Variants in TCERG1L observed in about 807,000 individuals in gnomAD.
TCERG1L encodes the protein transcription elongation regulator 1-like protein.
TCERG1L carries 37 observed loss-of-function variants against 56.3 expected under a neutral mutation model. The ratio of observed to expected loss-of-function variants is 0.66; its 90% confidence interval spans 0.51 to 0.87. The LOEUF (loss-of-function observed/expected upper bound fraction) is 0.87. Among genes scored for constraint, TCERG1L ranks in the 40% least tolerant of loss-of-function variants. The pLI is 0.00. For synonymous variants in TCERG1L, 324 were observed against 326.3 expected (o/e 0.99, Z 0.08); for missense variants, 799 against 774.2 (o/e 1.03, Z -0.38).
rs1328700381 is a variant in TCERG1L at position 131,103,489 on chromosome 10, A to C, written c.1485+776T>G. Reference sequence around the variant, plus strand: ...AAGGATTGCTTGAGCCTAGGAGTTCAAGATGAGCCTGGGGAATATACAGCA... The same window carrying C: ...AAGGATTGCTTGAGCCTAGGAGTTCCAGATGAGCCTGGGGAATATACAGCA... On this transcript the variant is annotated intron_variant, in intron 10 of 11. Transcript: ENST00000368642. This position sits in a 1 kb window ranked among gnomAD's most constrained non-coding sequence, Gnocchi z 4.3. 6.6e-6 allele frequency among the ~76,000 whole-genome samples: 1 copy of C among 152,136 alleles called. No individual in the cohort carries two copies. The highest frequency in any genetic ancestry group is 1.5e-5 in the Non-Finnish European group (1 of 68,042).
At chr10:131,199,392 C>A (rs983637189) in intron 4 of TCERG1L, among the ~76,000 whole-genome samples, 1 of 152,140 alleles carries the variant, frequency 6.6e-6, no homozygotes. Context: ...GCATCCTGAA[C>A]CCCTTGCTGC....
intron 3 of TCERG1L, among the ~76,000 whole-genome samples, chr10:131,288,064 A>G (rs1846565186): frequency 6.6e-6 from 1 of 152,164 alleles, no homozygotes; most frequent in African/African-American, 2.4e-5. Flanking sequence ...GTGCTTCTCC[A>G]TAGCTTTCTC....
At chr10:131,210,640 G>A (rs1462645022) in intron 4 of TCERG1L, among the ~76,000 whole-genome samples, 16 of 152,062 alleles carry the variant, frequency 1.1e-4, no homozygotes, top group Non-Finnish European at 2.4e-4. Context: ...TGCATGTCTT[G>A]AGCTGTCCCG....
In TCERG1L at chr10:131,111,188, C is replaced by G. The variant is rs889829865; in HGVS notation, c.1395+5611G>C. On this transcript the variant is annotated intron_variant, in intron 9 of 11. Coordinates refer to ENST00000368642, the MANE Select transcript of TCERG1L (RefSeq NM_174937.4). ...GGAGCCATGCCCGCTCCGACCCTGA[C>G]ACTGGGGCTGGGCTCAGCCGGGCAC... Among the ~76,000 whole-genome samples the G allele has an allele frequency of 6.3e-5, 9 of 143,240 alleles. 2 individuals are homozygous for G. The South Asian group carries it at 2.3e-3, about 37-fold the overall frequency. The allele number at this position is 143,240 out of a possible 152,430, so 94.0% of individuals were successfully genotyped here. A position where few individuals can be genotyped will look rare whatever the true frequency, so the allele number is the denominator to read the frequency against.
intron 4 of TCERG1L, among the ~76,000 whole-genome samples, chr10:131,203,127 T>C (rs889079591): frequency 2.0e-4 from 31 of 152,146 alleles, no homozygotes; most frequent in Admixed American, 2.6e-4. Flanking sequence ...TCAAAGCTTT[T>C]CAATGACAGC....
intron 3 of TCERG1L, among the ~76,000 whole-genome samples, chr10:131,276,969 A>G (rs1330251496): frequency 6.6e-6 from 1 of 152,224 alleles, no homozygotes; most frequent in African/African-American, 2.4e-5. Context: ...GCTCAGAAAA[A>G]CATTTCTCAT....
At chr10:131,264,937 T>C (rs1232101791) in intron 3 of TCERG1L, among the ~76,000 whole-genome samples, 4 of 128,662 alleles carry the variant, frequency 3.1e-5, no homozygotes, top group Non-Finnish European at 7.0e-5. Context: ...TAGACCTGTG[T>C]GCTGGTCAGT....
intron 6 of TCERG1L, among the ~76,000 whole-genome samples, chr10:131,147,066 A>C (rs933249847): frequency 2.6e-5 from 4 of 151,968 alleles, no homozygotes; most frequent in Non-Finnish European, 4.4e-5. Context: ...GCGGCTCCCT[A>C]CACTTCCCCA....
chr10:131,110,175 A>T (rs1430367554), intron 9 of TCERG1L, among the ~76,000 whole-genome samples: 1 of 152,188 alleles, frequency 6.6e-6, no homozygotes, highest in Non-Finnish European at 1.5e-5. Context: ...AGTGACAAGG[A>T]CGTGGTCTGG....
At chr10:131,124,938 AG>A (rs1845549573) in intron 8 of TCERG1L, among the ~76,000 whole-genome samples, 1 of 152,212 alleles carries the variant, frequency 6.6e-6, no homozygotes, top group African/African-American at 2.4e-5. Context: ...TTTGCTTGTA[AG>A]AATTAAATGA....
intron 4 of TCERG1L, among the ~76,000 whole-genome samples, chr10:131,213,023 C>G (rs12221196): frequency 0.065 from 9,929 of 152,288 alleles, 453 homozygotes; most frequent in East Asian, 0.17. Flanking sequence ...TGAAAATGAC[C>G]CTCTCTGCCC....
intron 2 of TCERG1L, 39 bp from the exon 3 acceptor site, chr10:131,308,430 G>A (rs780680320): frequency 1.8e-5 from 28 of 1,567,290 alleles, no homozygotes; most frequent in Non-Finnish European, 2.4e-5. Flanking sequence ...TGAAGGCAAG[G>A]TGCATGATAA....
At chr10:131,137,282 G>A (rs955113609) in intron 7 of TCERG1L, among the ~76,000 whole-genome samples, 2 of 152,172 alleles carry the variant, frequency 1.3e-5, no homozygotes, top group African/African-American at 4.8e-5. Flanking sequence ...CCGCTGGGGC[G>A]CTGGGTCCCG....
At chr10:131,154,449 T>C (rs1419225335) in intron 6 of TCERG1L, among the ~76,000 whole-genome samples, 1 of 152,080 alleles carries the variant, frequency 6.6e-6, no homozygotes, top group East Asian at 1.9e-4. Context: ...GTTCCAGGAG[T>C]GTCCTGGGGA....
At chr10:131,115,183 G>C (rs1289778815) in intron 9 of TCERG1L, among the ~76,000 whole-genome samples, 2 of 152,280 alleles carry the variant, frequency 1.3e-5, no homozygotes. Flanking sequence ...CTAGTCACTG[G>C]CTGGACACTT....
chr10:131,191,963 C>A (rs1167052574), intron 4 of TCERG1L, among the ~76,000 whole-genome samples: 1 of 140,370 alleles, frequency 7.1e-6, no homozygotes, highest in Non-Finnish European at 1.6e-5. Context: ...AGACATTGAC[C>A]TAGGCAAACA....
At chr10:131,221,677 T>C (rs1845733792) in intron 4 of TCERG1L, among the ~76,000 whole-genome samples, 1 of 152,226 alleles carries the variant, frequency 6.6e-6, no homozygotes, top group African/African-American at 2.4e-5. Context: ...GAACATTTTG[T>C]CACCGGTTTT....
At chr10:131,202,401 G>A (rs1044239156) in intron 4 of TCERG1L, among the ~76,000 whole-genome samples, 1 of 152,148 alleles carries the variant, frequency 6.6e-6, no homozygotes, top group Non-Finnish European at 1.5e-5. Flanking sequence ...GCGCAACATG[G>A]TGAAACCCCA....
chr10:131,121,440 G>C (rs959457408), intron 8 of TCERG1L, among the ~76,000 whole-genome samples: 2 of 152,190 alleles, frequency 1.3e-5, no homozygotes, highest in African/African-American at 2.4e-5. Context: ...ATGCAAATGT[G>C]ATCCTGTTAA....
Sources: gnomAD v4.1 joint callset for allele counts (sites outside exome capture counted in the v4.1 genomes callset) on GRCh38, gnomAD v4.1.1 for gene constraint, Gnocchi (gnomAD v3.1) non-coding constraint, MANE v1.5 for transcripts, NCBI Gene and HGNC (gene_info 2026-07-23, HGNC 2026-07-21) for gene names.